The following DCLK1 variants were observed in gnomAD, a reference collection of about 807,000 sequenced individuals.
DCLK1 encodes doublecortin like kinase 1.
A neutral mutation model predicts 86.2 loss-of-function variants in DCLK1; 16 were observed. The observed-to-expected ratio is 0.19, with a 90% confidence interval of 0.13 to 0.28. The LOEUF (loss-of-function observed/expected upper bound fraction) is 0.28, where lower values mean the gene tolerates loss of function less well. Among genes scored for constraint, DCLK1 ranks in the 10% least tolerant of loss-of-function variants. The pLI is 1.00. For synonymous variants in DCLK1, 369 were observed against 370.5 expected (o/e 1.00, Z 0.05); for missense variants, 590 against 940.2 (o/e 0.63, Z 4.87).
intron 3 of DCLK1, among the ~76,000 whole-genome samples, chr13:35,951,209 C>T (rs1006602876): frequency 2.6e-5 from 4 of 151,140 alleles, no homozygotes; most frequent in African/African-American, 9.7e-5. Context: ...GGACATGGTG[C>T]CTGATACTTA....
At chr13:35,958,048 T>TGCTATAACCATCACCAC (rs1566620291) in intron 3 of DCLK1, among the ~76,000 whole-genome samples, 1 of 11,242 alleles carries the variant, frequency 8.9e-5, no homozygotes, top group African/African-American at 3.7e-4. Flanking sequence ...ACCACCACCA[T>TGCTATAACCATCACCAC]CACCACTATA....
chr13:35,905,264 C>A (rs1038583051), intron 4 of DCLK1, among the ~76,000 whole-genome samples: 1 of 152,220 alleles, frequency 6.6e-6, no homozygotes, highest in South Asian at 2.1e-4. Flanking sequence ...TTTCCACCCC[C>A]AGCTCCAGAG....
intron 2 of DCLK1, among the ~76,000 whole-genome samples, chr13:36,117,650 A>T (rs533934881): frequency 6.6e-6 from 1 of 152,338 alleles, no homozygotes; most frequent in East Asian, 1.9e-4. Flanking sequence ...AACAAATAAC[A>T]AAACTGTGAC....
intron 3 of DCLK1, among the ~76,000 whole-genome samples, chr13:36,056,844 C>T (rs965869220): frequency 1.4e-4 from 20 of 139,674 alleles, no homozygotes; most frequent in Non-Finnish European, 2.9e-4. Flanking sequence ...TGCAGTGAGC[C>T]GAGATCGTGC....
At chr13:35,846,851 C>T (rs1464719861) in intron 6 of DCLK1, 5 of 985,084 alleles carry the variant, frequency 5.1e-6, no homozygotes, top group South Asian at 4.7e-5. Context: ...TATATACACA[C>T]ATACAGCAAG....
rs555777950 is a variant in DCLK1, at chr13:36,068,136, G to A, written c.723+43733C>T. Among the ~76,000 whole-genome samples the A allele has an allele frequency of 2.0e-5, 3 of 152,282 alleles. No homozygotes were observed. In the East Asian group the frequency reaches 5.8e-4, roughly 29 times the overall value. On this transcript the variant is annotated intron_variant, in intron 3 of 16. Transcript: ENST00000360631. ...TCCAGCATTTTATATTGTGATTCCT[G>A]AAAATTTACGGTTATCAAAAAACAG...
intron 6 of DCLK1, chr13:35,847,127 C>T (rs186106415): frequency 1.0e-6 from 1 of 961,162 alleles, no homozygotes; most frequent in Admixed American, 6.2e-5. Flanking sequence ...TAATTGAAAA[C>T]AAAGATATAT....
chr13:35,935,255 C>T (rs1426332727), intron 4 of DCLK1, among the ~76,000 whole-genome samples: 2 of 152,076 alleles, frequency 1.3e-5, no homozygotes, highest in African/African-American at 2.4e-5. Flanking sequence ...CTACAACTGC[C>T]CTAGAATAGC....
At chr13:35,840,202 C>A (rs1357081721) in intron 6 of DCLK1, among the ~76,000 whole-genome samples, 1 of 152,190 alleles carries the variant, frequency 6.6e-6, no homozygotes, top group East Asian at 1.9e-4. Context: ...CCTCTGCTTA[C>A]CTGTTTCCCT....
chr13:35,886,306 C>G (rs879781940), intron 4 of DCLK1, among the ~76,000 whole-genome samples: 1 of 152,050 alleles, frequency 6.6e-6, no homozygotes, highest in Non-Finnish European at 1.5e-5. Flanking sequence ...ACACCATGCC[C>G]GGCGAATAGG....
At chr13:36,018,575 T>G (rs942930407) in intron 3 of DCLK1, among the ~76,000 whole-genome samples, 2 of 152,320 alleles carry the variant, frequency 1.3e-5, no homozygotes, top group East Asian at 1.9e-4. Context: ...AATGTATGCT[T>G]CTTTTATACA....
At position 36,056,972 on chromosome 13, in the gene DCLK1, A is replaced by G. The variant is rs138339395; in HGVS notation, c.723+54897T>C. Among the ~76,000 whole-genome samples the G allele has an allele frequency of 7.0e-3, 1,053 of 150,928 alleles. 13 individuals carry two copies. Among genetic ancestry groups the G allele is most frequent in the African/African-American group, 0.024 (992 of 41,238 alleles). The stretch of plus-strand genomic sequence containing the variant: ...TCTCCTTTTTTACACAAATGGCATT[A>G]TATTATACAGACTTTGAAGATTAGA... On this transcript the variant is annotated intron_variant, in intron 3 of 16. Transcript: ENST00000360631.
At chr13:35,808,770 G>T (rs1566543557) in intron 13 of DCLK1, among the ~76,000 whole-genome samples, 4 of 150,452 alleles carry the variant, frequency 2.7e-5, no homozygotes, top group Non-Finnish European at 5.9e-5. Flanking sequence ...GCAAAAGAGA[G>T]ACTCTGTCTC....
chr13:35,941,577 A>G (rs1877087033), intron 4 of DCLK1, among the ~76,000 whole-genome samples: 1 of 152,112 alleles, frequency 6.6e-6, no homozygotes, highest in African/African-American at 2.4e-5. Flanking sequence ...GCACAGGCAC[A>G]CATACACGTG....
At chr13:35,942,249 C>G (rs998179960) in intron 4 of DCLK1, among the ~76,000 whole-genome samples, 3 of 152,104 alleles carry the variant, frequency 2.0e-5, no homozygotes, top group South Asian at 2.1e-4. Context: ...TCACTGCAAC[C>G]TCCGCCTCCC....
intron 10 of DCLK1, among the ~76,000 whole-genome samples, chr13:35,824,905 C>T (rs1026332976): frequency 6.6e-6 from 1 of 152,160 alleles, no homozygotes; most frequent in Non-Finnish European, 1.5e-5. Context: ...TCAAGCCTGT[C>T]CTCATGACAG....
chr13:35,873,717 C>T (rs185955440), intron 4 of DCLK1, among the ~76,000 whole-genome samples: 32 of 152,236 alleles, frequency 2.1e-4, no homozygotes, highest in East Asian at 9.7e-4. Flanking sequence ...AATGAGTGGT[C>T]ATTTGCTGGG....
rs557869514 is a variant in DCLK1, at chr13:35,936,585, G to T, written c.823+10773C>A. Among the ~76,000 whole-genome samples, 4 of 152,316 alleles carry T rather than the reference G, an allele frequency of 2.6e-5. No individual in the cohort carries two copies. The South Asian group carries it at 8.3e-4, about 32-fold the overall frequency. Reference sequence around the variant, plus strand: ...CTTCACCTCAATAGGGGTTTCACTGGAAGATTGTAAGTGCTTGATCAGTGT... The same window carrying T: ...CTTCACCTCAATAGGGGTTTCACTGTAAGATTGTAAGTGCTTGATCAGTGT... On this transcript the variant is annotated intron_variant, in intron 4 of 16. Coordinates refer to ENST00000360631, the MANE Select transcript of DCLK1 (RefSeq NM_001330071.2).
At position 36,075,858 on chromosome 13, in the gene DCLK1, A is replaced by C. The variant is rs567691819; in HGVS notation, c.723+36011T>G. On this transcript the variant is annotated intron_variant, in intron 3 of 16. Coordinates refer to ENST00000360631, the MANE Select transcript of DCLK1 (RefSeq NM_001330071.2). ...ATGGTGAAACCCCATCTCTGCTAAA[A>C]ACACACACACAAAAAAATTAGCCGA... Among the ~76,000 whole-genome samples the C allele has an allele frequency of 1.2e-3, 181 of 152,198 alleles. 1 individual carries two copies. The highest frequency in any genetic ancestry group is 4.2e-3 in the African/African-American group (174 of 41,510).
Sources: gnomAD v4.1 joint callset for allele counts (sites outside exome capture counted in the v4.1 genomes callset) on GRCh38, gnomAD v4.1.1 for gene constraint, MANE v1.5 for transcripts, NCBI Gene and HGNC (gene_info 2026-07-23, HGNC 2026-07-21) for gene names.